TSHZ3: variants seen among roughly 807,000 people sequenced by gnomAD.
The protein encoded by TSHZ3 is teashirt homolog 3.
In TSHZ3, 10 loss-of-function variants were observed where a neutral mutation model predicts 64.5. The observed-to-expected ratio is 0.16, with a 90% CI of 0.10 to 0.26. TSHZ3 has a LOEUF of 0.26. TSHZ3 is among the 10% of genes least tolerant of loss of function. The pLI, the probability that TSHZ3 is intolerant of heterozygous loss-of-function variation, is 1.00. For synonymous variants in TSHZ3, 608 were observed against 593.1 expected, an observed-to-expected ratio of 1.03 and a Z score of -0.36; for missense variants, 1,242 against 1,421.7, an observed-to-expected ratio of 0.87 and a Z score of 2.03.
upstream of TSHZ3, among the ~76,000 whole-genome samples, chr19:31,349,958 G>A (rs1409827445): frequency 1.4e-5 from 2 of 146,558 alleles, no homozygotes; most frequent in South Asian, 2.1e-4. Flanking sequence ...AGCGAAAGGG[G>A]TGCCGCCCCT....
At position 31,277,478 on chromosome 19, in the gene TSHZ3, T is replaced by C. The variant is rs779175256; in HGVS notation, c.2315A>G (p.Lys772Arg). The change falls in exon 2 of 2, where the codon AAG (lysine) becomes AGG (arginine). Residue 772 changes from lysine (K) to arginine (R), a missense_variant. Transcript: ENST00000240587. This position sits in a 1 kb window ranked among gnomAD's most constrained non-coding sequence, Gnocchi z 4.5. ...AVATPPPLQSKKADHLDRYFY... is the reference protein window; with the variant it reads ...AVATPPPLQSRKADHLDRYFY... ...ATAGCGGTCGAGGTGGTCTGCCTTC[T>C]TGGACTGCAGGGGCGGCGGGGTGGC... The C allele has an allele frequency of 9.3e-6, 15 of 1,612,998 alleles. No individual in the cohort carries two copies. The highest frequency in any genetic ancestry group is 1.7e-5 in the Admixed American group (1 of 59,928).
chr19:31,150,837 T>G (rs1177741920), exon 7 of TSHZ3, among the ~76,000 whole-genome samples: 1 of 152,166 alleles, frequency 6.6e-6, no homozygotes, highest in African/African-American at 2.4e-5. Flanking sequence ...CCTCCATAGA[T>G]GGACCCTAGT....
In TSHZ3 at chr19:31,349,287, G is replaced by A; in HGVS notation, c.-68C>T. On this transcript the variant is annotated 5_prime_UTR_variant, in exon 1 of 2. Coordinates refer to ENST00000240587, the MANE Select transcript of TSHZ3 (RefSeq NM_020856.4). ...GCCGGGCTGAGGACAGGGAGGGAGG[G>A]GGCGGCGGGCCCGCGGGGGGGCGAG... 1.4e-6 allele frequency: 2 copies of A among 1,457,660 alleles called. No homozygotes were observed. Among genetic ancestry groups the A allele is most frequent in the Non-Finnish European group, 1.8e-6 (2 of 1,103,498 alleles). The allele number at this position is 1,457,660 out of a possible 1,614,324, so 90.3% of individuals were successfully genotyped here.
At chr19:31,183,228 T>TTCTC (rs71173953) in intron 5 of TSHZ3, among the ~76,000 whole-genome samples, 1 of 12,556 alleles carries the variant, frequency 8.0e-5, no homozygotes, top group Non-Finnish European at 1.9e-4. Flanking sequence ...CTCTCTCTCT[T>TTCTC]TCTCTCTCTC....
chr19:31,240,190 C>A (rs1975669580), intron 3 of TSHZ3, among the ~76,000 whole-genome samples: 1 of 151,936 alleles, frequency 6.6e-6, no homozygotes, highest in African/African-American at 2.4e-5. Context: ...AGCAGTAGTT[C>A]TCATATTTTT....
chr19:31,298,019 C>A (rs7255674), intron 1 of TSHZ3, among the ~76,000 whole-genome samples: 127,249 of 152,102 alleles, frequency 0.84, 53,916 homozygotes, highest in East Asian at 0.98. Context: ...CCACCTCGGG[C>A]GCAGGGATAG....
chr19:31,349,534 G>A (rs1460393933), upstream of TSHZ3: 1 of 325,998 alleles, frequency 3.1e-6, no homozygotes, highest in Non-Finnish European at 5.5e-6. Flanking sequence ...CCGCGCTGCC[G>A]GCGGAATGGG....
At chr19:31,297,726 T>C (rs1005704170) in intron 1 of TSHZ3, among the ~76,000 whole-genome samples, 2 of 152,132 alleles carry the variant, frequency 1.3e-5, no homozygotes, top group Admixed American at 6.5e-5. Context: ...CTCAAAGCAG[T>C]GGGATTACAG....
chr19:31,341,364 G>A (rs1401493043), intron 1 of TSHZ3, among the ~76,000 whole-genome samples: 1 of 152,082 alleles, frequency 6.6e-6, no homozygotes, highest in Non-Finnish European at 1.5e-5. Flanking sequence ...GTGGTGGTCT[G>A]GATCCAGGGT....
intron 1 of TSHZ3, among the ~76,000 whole-genome samples, chr19:31,264,002 C>T (rs1431411694): frequency 6.6e-6 from 1 of 152,162 alleles, no homozygotes; most frequent in Admixed American, 6.5e-5. Context: ...AGTCACTCCT[C>T]CTTGCTGGGA....
At chr19:31,198,007 T>A (rs1975016777) in intron 5 of TSHZ3, among the ~76,000 whole-genome samples, 1 of 152,030 alleles carries the variant, frequency 6.6e-6, no homozygotes, top group Non-Finnish European at 1.5e-5. Context: ...AAAAGTAAAC[T>A]ACAAACCAAA....
At chr19:31,273,708 T>C (rs768629494), downstream of TSHZ3, among the ~76,000 whole-genome samples, 1 of 152,230 alleles carries the variant, frequency 6.6e-6, no homozygotes, top group Non-Finnish European at 1.5e-5. Flanking sequence ...TGAGACGCAT[T>C]CTGTGGGGAG....
At chr19:31,320,568 T>A (rs1381683995) in intron 1 of TSHZ3, among the ~76,000 whole-genome samples, 1 of 152,198 alleles carries the variant, frequency 6.6e-6, no homozygotes, top group Non-Finnish European at 1.5e-5. Context: ...ACATGTTTTA[T>A]GATGTGTCCT....
intron 1 of TSHZ3, among the ~76,000 whole-genome samples, chr19:31,333,411 T>C (rs1367088725): frequency 1.3e-5 from 2 of 151,924 alleles, no homozygotes; most frequent in Non-Finnish European, 2.9e-5. Flanking sequence ...CTGTAACAAG[T>C]CAATTTACAA....
chr19:31,241,997 C>A (rs1975697151), intron 3 of TSHZ3, among the ~76,000 whole-genome samples: 1 of 152,184 alleles, frequency 6.6e-6, no homozygotes, highest in Non-Finnish European at 1.5e-5. Flanking sequence ...GCCTAGTAGA[C>A]AATTATTCAA....
At chr19:31,319,625 T>C (rs1320634941) in intron 1 of TSHZ3, among the ~76,000 whole-genome samples, 1 of 152,158 alleles carries the variant, frequency 6.6e-6, no homozygotes, top group Non-Finnish European at 1.5e-5. Flanking sequence ...TCACCCACCA[T>C]GAGCTCATAG....
At chr19:31,252,240 T>C (rs369868112) in intron 1 of TSHZ3, among the ~76,000 whole-genome samples, 2 of 152,296 alleles carry the variant, frequency 1.3e-5, no homozygotes, top group South Asian at 2.1e-4. Context: ...TTTCTTGACT[T>C]TTCTGGCTTT....
chr19:31,245,190 T>C (rs953004283), intron 1 of TSHZ3, among the ~76,000 whole-genome samples: 5 of 152,144 alleles, frequency 3.3e-5, no homozygotes, highest in Admixed American at 1.3e-4. Flanking sequence ...TACGAAAAAA[T>C]GTTGGAGTTA....
At chr19:31,258,028 G>A (rs764688976) in intron 1 of TSHZ3, among the ~76,000 whole-genome samples, 4 of 152,204 alleles carry the variant, frequency 2.6e-5, no homozygotes, top group Admixed American at 6.5e-5. Flanking sequence ...TTAAGGGGGT[G>A]AGACTGGGGC....
Sources: gnomAD v4.1 joint callset for allele counts (sites outside exome capture counted in the v4.1 genomes callset) on GRCh38, gnomAD v4.1.1 for gene constraint, Gnocchi (gnomAD v3.1) non-coding constraint, MANE v1.5 for transcripts, NCBI Gene and HGNC (gene_info 2026-07-23, HGNC 2026-07-21) for gene names.